UBTD1: variants seen among roughly 807,000 people sequenced by gnomAD.
UBTD1 encodes ubiquitin domain-containing protein 1.
A neutral mutation model predicts 21.7 loss-of-function variants in UBTD1; 19 were observed. That is an observed-to-expected ratio of 0.87 (90% CI 0.61 to 1.28). UBTD1 has a LOEUF of 1.28. UBTD1 is among the 50% of genes most tolerant of loss of function. The pLI is 0.00. For synonymous variants in UBTD1, 116 were observed against 135.1 expected, an observed-to-expected ratio of 0.86 and a Z score of 0.98; for missense variants, 282 against 315.1, an observed-to-expected ratio of 0.89 and a Z score of 0.80.
chr10:97,499,596 C>T (rs1220459153), intron 1 of UBTD1, among the ~76,000 whole-genome samples: 5 of 152,112 alleles, frequency 3.3e-5, no homozygotes, highest in Admixed American at 6.5e-5. Context: ...CGCCGCTGGC[C>T]TGGCAGCTCC....
chr10:97,567,848 G>A, intron 1 of UBTD1, 66 bp from the exon 2 acceptor site: 1 of 1,504,548 alleles, frequency 6.6e-7, no homozygotes, highest in East Asian at 2.4e-5. Flanking sequence ...GGGGAGGGGA[G>A]GGGGAGGGCA....
rs397741674 is a variant in UBTD1 at position 97,546,589 on chromosome 10, G to GAAAA, written c.71-21311_71-21308dup. ...GGTGACCGAGTGTGACCCTGTCTCA[G>GAAAA]AAAAAAAAAAAAAAAAAGCTGACAG... On this transcript the variant is annotated intron_variant, in intron 1 of 2. Transcript: ENST00000370664. Among the ~76,000 whole-genome samples, 7 of 118,134 alleles carry GAAAA rather than the reference G, an allele frequency of 5.9e-5. 2 individuals carry two copies. Among genetic ancestry groups the GAAAA allele is most frequent in the Admixed American group, 1.8e-4 (2 of 10,816 alleles). 77.5% of individuals were successfully genotyped at this position (118,134 alleles called of 152,430 possible). A position where few individuals can be genotyped will look rare whatever the true frequency, so the allele number is the denominator to read the frequency against.
chr10:97,524,650 A>C (rs2040480314), intron 1 of UBTD1, among the ~76,000 whole-genome samples: 1 of 152,160 alleles, frequency 6.6e-6, no homozygotes, highest in Admixed American at 6.5e-5. Context: ...TGGCTTAAAG[A>C]ATGAGGAGTT....
intron 1 of UBTD1, among the ~76,000 whole-genome samples, chr10:97,534,443 T>TC (rs1285969670): frequency 3.3e-5 from 5 of 152,230 alleles, no homozygotes; most frequent in Non-Finnish European, 5.9e-5. Context: ...TAGAAGACAC[T>TC]CCAAGTCCTG....
intron 1 of UBTD1, among the ~76,000 whole-genome samples, chr10:97,507,300 T>C (rs1013985872): frequency 6.6e-6 from 1 of 152,140 alleles, no homozygotes; most frequent in African/African-American, 2.4e-5. Flanking sequence ...CAAAGAGCAG[T>C]CCCTCCAAAT....
chr10:97,567,926 C>G lies in UBTD1; in HGVS notation c.83C>G (p.Pro28Arg). 1.3e-5 allele frequency: 21 copies of G among 1,614,104 alleles called. No homozygotes were observed. The highest frequency in any genetic ancestry group is 1.8e-5 in the Non-Finnish European group (21 of 1,180,032). Reference sequence around the variant, plus strand: ...CTGTCCTGCCCAGGACGCAATGAGCCCCTGAAGAAAGAGCGGCTTAAGTGG... The same window carrying G: ...CTGTCCTGCCCAGGACGCAATGAGCGCCTGAAGAAAGAGCGGCTTAAGTGG... ...HPRKRAGRNE[P>R]LKKERLKWKS... The change falls in exon 2 of 3, where the codon CCC (proline) becomes CGC (arginine). Residue 28 changes from proline (P) to arginine (R), a missense_variant. Pro to Arg is a moderately radical substitution (Grantham distance 103, BLOSUM62 -2). Coordinates refer to ENST00000370664, the MANE Select transcript of UBTD1 (RefSeq NM_024954.5).
intron 1 of UBTD1, among the ~76,000 whole-genome samples, chr10:97,508,362 A>T (rs2040407939): frequency 6.6e-6 from 1 of 152,166 alleles, no homozygotes. Context: ...TTCAGGCACC[A>T]CTTTGCTGGA....
chr10:97,566,733 C>T (rs997781732), intron 1 of UBTD1, among the ~76,000 whole-genome samples: 1 of 152,230 alleles, frequency 6.6e-6, no homozygotes, highest in Non-Finnish European at 1.5e-5. Flanking sequence ...TGGGAGCAGC[C>T]TGGTGGTGGC....
At chr10:97,500,536 T>C (rs2040367730) in intron 1 of UBTD1, among the ~76,000 whole-genome samples, 1 of 152,260 alleles carries the variant, frequency 6.6e-6, no homozygotes, top group African/African-American at 2.4e-5. Flanking sequence ...AACCAAGGGC[T>C]GGCTTGCTTT....
At chr10:97,500,493 C>G (rs1005194694) in intron 1 of UBTD1, among the ~76,000 whole-genome samples, 1 of 152,212 alleles carries the variant, frequency 6.6e-6, no homozygotes, top group Admixed American at 6.5e-5. Flanking sequence ...GTAACTCTGG[C>G]CATTCTTCTG....
At position 97,570,392 on chromosome 10, in the gene UBTD1, G is replaced by A. The variant is rs368526753; in HGVS notation, c.553G>A (p.Glu185Lys). Reference sequence around the variant, plus strand: ...GCAGCTGCACGCCCAGGAGGGCATCGAGCCATCGTGGCAGCGGTGGTTCTT... The same window carrying A: ...GCAGCTGCACGCCCAGGAGGGCATCAAGCCATCGTGGCAGCGGTGGTTCTT... ...KRQLHAQEGI[E>K]PSWQRWFFSG... Residue 185 changes from glutamate (E) to lysine (K), a missense_variant, in exon 3 of 3, where the codon GAG (glutamate) becomes AAG (lysine). By Grantham distance (56) the Glu-to-Lys change is moderately conservative. Transcript: ENST00000370664. The surrounding 1 kb of genome is among the most constrained non-coding windows in gnomAD (Gnocchi z 6.6). 42 of 1,613,294 alleles carry A rather than the reference G, an allele frequency of 2.6e-5. No individual in the cohort carries two copies. Among genetic ancestry groups the A allele is most frequent in the Middle Eastern group, 3.3e-4 (2 of 6,084 alleles).
chr10:97,546,544 A>G (rs1002562483), intron 1 of UBTD1, among the ~76,000 whole-genome samples: 8 of 141,182 alleles, frequency 5.7e-5, no homozygotes, highest in African/African-American at 2.1e-4. Flanking sequence ...GAGCCTGATC[A>G]CCCACTGCGC....
chr10:97,535,968 AATTATTATTATTATT>A (rs760908517), intron 1 of UBTD1, among the ~76,000 whole-genome samples: 5 of 90,172 alleles, frequency 5.5e-5, no homozygotes, highest in African/African-American at 1.7e-4. Context: ...GTTGGAGAGA[AATTATTATTATTATT>A]ATTATTATTA....
intron 1 of UBTD1, among the ~76,000 whole-genome samples, chr10:97,535,123 C>A (rs1352849743): frequency 6.6e-6 from 1 of 152,150 alleles, no homozygotes; most frequent in Non-Finnish European, 1.5e-5. Flanking sequence ...GGCCATATCT[C>A]TCACCTCCTC....
Position 97,570,504 on chromosome 10 carries a change from C to A in UBTD1, c.665C>A (p.Pro222His). 1 of 1,608,018 alleles carries A rather than the reference C, an allele frequency of 6.2e-7. No individual in the cohort carries two copies. The highest frequency in any genetic ancestry group is 8.5e-7 in the Non-Finnish European group (1 of 1,176,384). ...GTCATCCAGGTCATCATCAACCAGC[C>A]CCCACCACCCCAGGACTGATGGGCC... is the stretch of plus-strand genomic sequence containing the variant. Reference protein sequence around the residue: ...DFVIQVIINQPPPPQD With the variant: ...DFVIQVIINQHPPPQD Residue 222 changes from proline (P) to histidine (H), a missense_variant, in exon 3 of 3, where the codon CCC becomes CAC. Transcript: ENST00000370664. The surrounding 1 kb of genome is among the most constrained non-coding windows in gnomAD (Gnocchi z 6.6).
At position 97,499,187 on chromosome 10, in the gene UBTD1, C is replaced by G; in HGVS notation, c.-17C>G. On this transcript the variant is annotated 5_prime_UTR_variant, in exon 1 of 3. Coordinates refer to ENST00000370664, the MANE Select transcript of UBTD1 (RefSeq NM_024954.5). The stretch of plus-strand genomic sequence containing the variant: ...CCCCGCCGCCTCCGGTGCATGGGGA[C>G]TGGCTGAGGAGCCAGCATGGGCAAC... The G allele has an allele frequency of 6.5e-7, 1 of 1,533,522 alleles. No homozygotes were observed. Among genetic ancestry groups the G allele is most frequent in the Non-Finnish European group, 8.8e-7 (1 of 1,139,346 alleles). 95.0% of individuals were successfully genotyped at this position (1,533,522 alleles called of 1,614,324 possible).
intron 1 of UBTD1, among the ~76,000 whole-genome samples, chr10:97,549,908 C>T (rs2040628390): frequency 6.6e-6 from 1 of 152,238 alleles, no homozygotes; most frequent in African/African-American, 2.4e-5. Context: ...CTGGGCACCA[C>T]ACCCCCTGGC....
intron 1 of UBTD1, among the ~76,000 whole-genome samples, chr10:97,500,030 T>C (rs2040348057): frequency 6.6e-6 from 1 of 152,190 alleles, no homozygotes; most frequent in Non-Finnish European, 1.5e-5. Context: ...TACACTCACT[T>C]CCTTCTTTGA....
At chr10:97,555,064 C>G (rs2040657817) in intron 1 of UBTD1, among the ~76,000 whole-genome samples, 1 of 152,136 alleles carries the variant, frequency 6.6e-6, no homozygotes. Context: ...AGGAAGGAGG[C>G]AGGGAAACTG....
Sources: gnomAD v4.1 joint callset for allele counts (sites outside exome capture counted in the v4.1 genomes callset) on GRCh38, gnomAD v4.1.1 for gene constraint, Gnocchi (gnomAD v3.1) non-coding constraint, MANE v1.5 for transcripts, NCBI Gene and HGNC (gene_info 2026-07-23, HGNC 2026-07-21) for gene names.